AP1G1: variants seen among roughly 807,000 people sequenced by gnomAD.
AP1G1 encodes AP-1 complex subunit gamma-1.
A neutral mutation model predicts 108.3 loss-of-function variants in AP1G1; 7 were observed. The observed-to-expected ratio is 0.06, with a 90% confidence interval of 0.04 to 0.12. The LOEUF (loss-of-function observed/expected upper bound fraction) is 0.12, where lower values mean the gene tolerates loss of function less well. Among genes scored for constraint, AP1G1 ranks in the 10% least tolerant of loss-of-function variants. The pLI, the probability that AP1G1 is intolerant of heterozygous loss-of-function variation, is 1.00. For missense variants in AP1G1, 756 were observed against 1,010.7 expected, an observed-to-expected ratio of 0.75 and a Z score of 3.42; for synonymous variants, 379 against 353.5, an observed-to-expected ratio of 1.07 and a Z score of -0.81.
chr16:71,748,841 G>C (rs1364875997), intron 15 of AP1G1, among the ~76,000 whole-genome samples: 1 of 152,068 alleles, frequency 6.6e-6, no homozygotes, highest in Admixed American at 6.6e-5. Context: ...AGAGACTTGG[G>C]CCTAAAGTGG....
intron 1 of AP1G1, among the ~76,000 whole-genome samples, chr16:71,798,470 A>G (rs886687219): frequency 1.3e-4 from 19 of 149,708 alleles, no homozygotes; most frequent in Non-Finnish European, 1.8e-4. Flanking sequence ...AAGTGCTGGG[A>G]TTACAGGCAT....
intron 2 of AP1G1, among the ~76,000 whole-genome samples, chr16:71,779,917 G>C (rs946017683): frequency 2.0e-5 from 3 of 151,582 alleles, no homozygotes; most frequent in East Asian, 1.9e-4. Flanking sequence ...CCAGGAGCTC[G>C]AGACAAGTCC....
chr16:71,807,009 C>A (rs1387780707), intron 1 of AP1G1, among the ~76,000 whole-genome samples: 1 of 152,230 alleles, frequency 6.6e-6, no homozygotes, highest in Non-Finnish European at 1.5e-5. Context: ...AACCACTAGA[C>A]TGTGATCTCA....
rs1022568537 is a variant in AP1G1 at position 71,756,026 on chromosome 16, C to A, written c.1222G>T (p.Ala408Ser). ...GTAAAAATTAAATCTTACTTTTCTG[C>A]AGCAAGAAAGATTCCAGATGCACAG... ...ADCASGIFLA[A>S]EKYAPSKRWH... Residue 408 changes from alanine to serine, a missense_variant, in exon 12 of 23, where the codon GCA (alanine) becomes TCA (serine). Ala to Ser is a moderately conservative substitution (Grantham distance 99). This residue lies in a region of AP1G1 where 357 missense variants were observed against 366.5 expected (regional missense o/e 0.97). Transcript: ENST00000299980. 1.2e-6 allele frequency: 2 copies of A among 1,607,142 alleles called. No homozygotes were observed. Among genetic ancestry groups the A allele is most frequent in the Non-Finnish European group, 1.7e-6 (2 of 1,177,800 alleles).
chr16:71,760,545 CAAA>C (rs1160425772), intron 10 of AP1G1, among the ~76,000 whole-genome samples: 10 of 95,182 alleles, frequency 1.1e-4, no homozygotes, highest in Admixed American at 3.5e-4. Context: ...AACTCCATCT[CAAA>C]AAAAAAAAAA....
At chr16:71,747,771 C>G (rs902995145) in intron 16 of AP1G1, among the ~76,000 whole-genome samples, 1 of 152,024 alleles carries the variant, frequency 6.6e-6, no homozygotes, top group Non-Finnish European at 1.5e-5. Flanking sequence ...CACTTGAGCC[C>G]AGGAGTTTGA....
At chr16:71,808,680 G>A (rs1412311538) in intron 1 of AP1G1, 83 bp downstream of exon 1, 8 of 1,287,462 alleles carry the variant, frequency 6.2e-6, no homozygotes, top group Middle Eastern at 2.1e-4. Flanking sequence ...CCCTGAAACT[G>A]AAAGGAAGCT....
chr16:71,774,454 AAAGT>A lies in AP1G1; in HGVS notation c.326+10_326+13del. Reference sequence around the variant, plus strand: ...TAGTTAACAGTTGTTAGAAGAAAGAAAAGTAAGACTTACTTCTTGATACAGTTGG... The same window carrying A: ...TAGTTAACAGTTGTTAGAAGAAAGAAAAGACTTACTTCTTGATACAGTTGG... On this transcript the variant is annotated intron_variant, in intron 3 of 22. Coordinates refer to ENST00000299980, the MANE Select transcript of AP1G1 (RefSeq NM_001128.6). 6.3e-7 allele frequency: 1 copy of A among 1,587,172 alleles called. No individual in the cohort carries two copies. The highest frequency in any genetic ancestry group is 8.5e-7 in the Non-Finnish European group (1 of 1,173,536).
At chr16:71,772,889 G>A in intron 4 of AP1G1, 1 of 354,934 alleles carries the variant, frequency 2.8e-6, no homozygotes, top group South Asian at 2.3e-5. Context: ...AGACACAAAG[G>A]CACTAATACA....
intron 1 of AP1G1, among the ~76,000 whole-genome samples, chr16:71,801,908 C>T (rs1402302157): frequency 1.5e-5 from 2 of 132,196 alleles, no homozygotes; most frequent in Admixed American, 8.9e-5. Flanking sequence ...GGCGACAGGG[C>T]GAGACTCCGT....
chr16:71,790,747 C>T (rs1287795406), intron 1 of AP1G1, among the ~76,000 whole-genome samples: 1 of 152,114 alleles, frequency 6.6e-6, no homozygotes, highest in Non-Finnish European at 1.5e-5. Flanking sequence ...AAATGGATCA[C>T]AAACCTAAAA....
At chr16:71,786,910 A>C (rs1489046329) in intron 2 of AP1G1, among the ~76,000 whole-genome samples, 1 of 152,152 alleles carries the variant, frequency 6.6e-6, no homozygotes, top group Admixed American at 6.5e-5. Flanking sequence ...AAAAAATACA[A>C]AAATTAGCCG....
intron 1 of AP1G1, among the ~76,000 whole-genome samples, chr16:71,801,746 G>A (rs2032808011): frequency 6.6e-6 from 1 of 151,938 alleles, no homozygotes; most frequent in Non-Finnish European, 1.5e-5. Flanking sequence ...CATGGTGAAA[G>A]CCCGTCTCTA....
intron 1 of AP1G1, among the ~76,000 whole-genome samples, chr16:71,800,244 G>A (rs1211503245): frequency 1.0e-4 from 15 of 149,884 alleles, no homozygotes; most frequent in South Asian, 2.1e-4. Context: ...GGTGGTGGGC[G>A]CCTGTAGTCC....
intron 17 of AP1G1, 135 bp from the exon 18 acceptor site, chr16:71,745,749 A>G: frequency 1.3e-6 from 1 of 770,618 alleles, no homozygotes; most frequent in East Asian, 2.5e-5. Context: ...ACTAAAATAG[A>G]AGGTAGATTA....
intron 10 of AP1G1, among the ~76,000 whole-genome samples, chr16:71,760,486 A>G (rs1051881300): frequency 6.6e-6 from 1 of 150,774 alleles, no homozygotes; most frequent in Admixed American, 6.6e-5. Context: ...CGGAGGTTGC[A>G]GTGAGCCAAG....
chr16:71,734,833 C>T, intron 21 of AP1G1, 126 bp from the exon 22 acceptor site: 2 of 716,366 alleles, frequency 2.8e-6, no homozygotes, highest in Non-Finnish European at 4.8e-6. Context: ...TAAGTTTTGC[C>T]TACTACTTGT....
chr16:71,808,422 C>A, intron 1 of AP1G1: 1 of 1,146,756 alleles, frequency 8.7e-7, no homozygotes, highest in Non-Finnish European at 1.1e-6. Flanking sequence ...GGGGTGGGGC[C>A]CGCCCCGCTA....
Position 71,759,147 on chromosome 16 carries a change from T to C in AP1G1, c.975-226A>G, listed in dbSNP as rs191234338. Reference sequence around the variant, plus strand: ...GCTTTGGATTTTAGATTTGTATTCATGGTCAAGTCCTTTTAAACTTCTAAA... The same window carrying C: ...GCTTTGGATTTTAGATTTGTATTCACGGTCAAGTCCTTTTAAACTTCTAAA... On this transcript the variant is annotated intron_variant, in intron 10 of 22. Coordinates refer to ENST00000299980, the MANE Select transcript of AP1G1 (RefSeq NM_001128.6). Among the ~76,000 whole-genome samples, 520 of 152,322 alleles carry C rather than the reference T, an allele frequency of 3.4e-3. 2 individuals are homozygous for C. The highest frequency in any genetic ancestry group is 0.01 in the Middle Eastern group (3 of 294).
Sources: gnomAD v4.1 joint callset for allele counts (sites outside exome capture counted in the v4.1 genomes callset) on GRCh38, gnomAD v4.1.1 for gene constraint, gnomAD v4.1.1 regional missense constraint, MANE v1.5 for transcripts, NCBI Gene and HGNC (gene_info 2026-07-23, HGNC 2026-07-21) for gene names.